The following HMCN1 variants were observed in gnomAD, a reference collection of about 807,000 sequenced individuals.
HMCN1 encodes the protein hemicentin-1.
Under a neutral mutation model 625.9 loss-of-function variants are expected in HMCN1, and 321 were observed. The ratio of observed to expected loss-of-function variants is 0.51; its 90% confidence interval spans 0.47 to 0.56. The LOEUF (loss-of-function observed/expected upper bound fraction) is 0.56, where lower values mean the gene tolerates loss of function less well. Among genes scored for constraint, HMCN1 ranks in the 20% least tolerant of loss-of-function variants. HMCN1 has a pLI of 0.00. For missense variants in HMCN1, 6,588 were observed against 6,887.3 expected (o/e 0.96, Z 1.54); for synonymous variants, 2,425 against 2,417.6 (o/e 1.00, Z -0.09).
chr1:185,980,595 G>A (rs756076992), intron 16 of HMCN1, among the ~76,000 whole-genome samples: 1 of 152,140 alleles, frequency 6.6e-6, no homozygotes, highest in Admixed American at 6.6e-5. Flanking sequence ...CTAACAGGGT[G>A]GTGGTGCAGA....
chr1:186,035,698 A>G (rs1320926437), intron 36 of HMCN1, among the ~76,000 whole-genome samples: 2 of 151,920 alleles, frequency 1.3e-5, no homozygotes, highest in Admixed American at 6.6e-5. Flanking sequence ...ATAGCTTTAT[A>G]TTTTCATTGT....
intron 6 of HMCN1, among the ~76,000 whole-genome samples, chr1:185,915,422 A>G (rs1244263172): frequency 6.6e-6 from 1 of 152,074 alleles, no homozygotes; most frequent in Non-Finnish European, 1.5e-5. Context: ...CCCTGCAAAG[A>G]CATTAAATAA....
intron 4 of HMCN1, among the ~76,000 whole-genome samples, chr1:185,883,777 G>T (rs1382906096): frequency 6.7e-6 from 1 of 150,160 alleles, no homozygotes; most frequent in African/African-American, 2.4e-5. Context: ...ATTTCACTGT[G>T]GTTTTAATTT....
At chr1:186,159,195 T>A (rs1277637904) in intron 97 of HMCN1, among the ~76,000 whole-genome samples, 1 of 152,182 alleles carries the variant, frequency 6.6e-6, no homozygotes, top group African/African-American at 2.4e-5. Flanking sequence ...TTGAAGCAAT[T>A]GTGAATGGGA....
chr1:185,963,972 A>C lies in HMCN1; in HGVS notation c.2098+77A>C, dbSNP rs982196074. 9 of 1,232,442 alleles carry C rather than the reference A, an allele frequency of 7.3e-6. No homozygotes were observed. The African/African-American group carries it at 1.3e-4, about 18-fold the overall frequency. 76.3% of individuals were successfully genotyped at this position (1,232,442 alleles called of 1,614,324 possible). A position where few individuals can be genotyped will look rare whatever the true frequency, so the allele number is the denominator to read the frequency against. ...AGCAATGCAAAAGTACTTTTTTGAA[A>C]TATTAATATTAGTAATGCATACATG... On this transcript the variant is annotated intron_variant, in intron 13 of 106. Coordinates refer to ENST00000271588, the MANE Select transcript of HMCN1 (RefSeq NM_031935.3).
chr1:185,755,917 A>G (rs1399968297), intron 1 of HMCN1, among the ~76,000 whole-genome samples: 1 of 152,082 alleles, frequency 6.6e-6, no homozygotes, highest in Non-Finnish European at 1.5e-5. Context: ...GGGTCTCACT[A>G]TGTTGCCTAG....
chr1:186,178,864 T>A, intron 104 of HMCN1, 98 bp downstream of exon 104: 1 of 874,696 alleles, frequency 1.1e-6, no homozygotes, highest in Non-Finnish European at 2.0e-6. Context: ...GTGAACTACA[T>A]CTGATCTCAA....
At chr1:185,880,767 T>G (rs1330660182) in intron 4 of HMCN1, among the ~76,000 whole-genome samples, 1 of 152,242 alleles carries the variant, frequency 6.6e-6, no homozygotes, top group Non-Finnish European at 1.5e-5. Context: ...AGTTGGGATT[T>G]GGACCAGAAG....
At chr1:186,113,089 G>T in intron 72 of HMCN1, 136 bp downstream of exon 72, 1 of 920,884 alleles carries the variant, frequency 1.1e-6, no homozygotes, top group Non-Finnish European at 1.7e-6. Context: ...GCAACGTGGA[G>T]TATTTGTATT....
intron 2 of HMCN1, among the ~76,000 whole-genome samples, chr1:185,851,950 G>T (rs1477497047): frequency 6.6e-6 from 1 of 151,780 alleles, no homozygotes; most frequent in Non-Finnish European, 1.5e-5. Context: ...CCTTAGTAAA[G>T]TCTTTTAATA....
intron 1 of HMCN1, among the ~76,000 whole-genome samples, chr1:185,802,181 T>C (rs993261785): frequency 6.6e-6 from 1 of 152,114 alleles, no homozygotes; most frequent in Non-Finnish European, 1.5e-5. Context: ...GGGTGAATCA[T>C]GTCAACACCT....
chr1:186,169,926 C>T (rs1422499572), intron 100 of HMCN1, among the ~76,000 whole-genome samples: 1 of 151,658 alleles, frequency 6.6e-6, no homozygotes, highest in Non-Finnish European at 1.5e-5. Flanking sequence ...GCAATCTATC[C>T]ACCTGACAAA....
intron 1 of HMCN1, among the ~76,000 whole-genome samples, chr1:185,736,269 C>T (rs966448156): frequency 6.6e-6 from 1 of 152,020 alleles, no homozygotes; most frequent in African/African-American, 2.4e-5. Flanking sequence ...CACACACATA[C>T]ACATACATAC....
At chr1:185,910,788 T>C (rs1342411145) in intron 5 of HMCN1, among the ~76,000 whole-genome samples, 1 of 151,938 alleles carries the variant, frequency 6.6e-6, no homozygotes, top group Non-Finnish European at 1.5e-5. Context: ...TCAGGCTGGT[T>C]TTGAACTTCT....
chr1:186,188,093 C>A, intron 106 of HMCN1, 84 bp downstream of exon 106: 1 of 1,503,930 alleles, frequency 6.6e-7, no homozygotes, highest in South Asian at 1.1e-5. Context: ...AGTCTCTTGT[C>A]ATGTGTAACT....
intron 4 of HMCN1, among the ~76,000 whole-genome samples, chr1:185,905,102 A>G (rs1374101300): frequency 6.6e-6 from 1 of 151,892 alleles, no homozygotes; most frequent in Non-Finnish European, 1.5e-5. Flanking sequence ...TTTGAACTCT[A>G]TTCAGCTTCA....
At chr1:185,821,849 C>T (rs1660200962) in intron 1 of HMCN1, among the ~76,000 whole-genome samples, 1 of 149,038 alleles carries the variant, frequency 6.7e-6, no homozygotes, top group South Asian at 2.1e-4. Context: ...GTGCTTTGCC[C>T]TGGGAAATAA....
chr1:185,868,103 T>G (rs1438751528), intron 4 of HMCN1, among the ~76,000 whole-genome samples: 1 of 151,574 alleles, frequency 6.6e-6, no homozygotes, highest in Non-Finnish European at 1.5e-5. Context: ...TGGGTTAAAT[T>G]TAAGGAGAAC....
In HMCN1 at chr1:186,045,105, G is replaced by A. The variant is rs562756937; in HGVS notation, c.6305-583G>A. Among the ~76,000 whole-genome samples, 280 of 152,190 alleles carry A rather than the reference G, an allele frequency of 1.8e-3. 1 individual carries two copies. The highest frequency in any genetic ancestry group is 6.5e-3 in the African/African-American group (271 of 41,538). ...CTTTAGAAAGTTGACAAAGCATCAT[G>A]GAAAACCAAAAAGAACACTAAACTG... On this transcript the variant is annotated intron_variant, in intron 40 of 106. Transcript: ENST00000271588.
Sources: gnomAD v4.1 joint callset for allele counts (sites outside exome capture counted in the v4.1 genomes callset) on GRCh38, gnomAD v4.1.1 for gene constraint, MANE v1.5 for transcripts, NCBI Gene and HGNC (gene_info 2026-07-23, HGNC 2026-07-21) for gene names.